Variants in RAB1A observed in about 807,000 individuals in gnomAD.
The protein encoded by RAB1A is RAB1A, member RAS oncogene family, also known as ras-related protein Rab-1A.
RAB1A carries 2 observed loss-of-function variants against 26.0 expected under a neutral mutation model. That is an observed-to-expected ratio of 0.08 (90% confidence interval 0.03 to 0.24). The LOEUF (loss-of-function observed/expected upper bound fraction) is 0.24, where lower values mean the gene tolerates loss of function less well. RAB1A is among the 10% of genes least tolerant of loss of function. The pLI, the probability that RAB1A is intolerant of heterozygous loss-of-function variation, is 1.00. For missense variants in RAB1A, 100 were observed against 247.0 expected, an observed-to-expected ratio of 0.40 and a Z score of 3.99; for synonymous variants, 84 against 84.9, an observed-to-expected ratio of 0.99 and a Z score of 0.06.
chr2:65,129,822 C>A, intron 1 of RAB1A, 71 bp downstream of exon 1: 1 of 1,556,924 alleles, frequency 6.4e-7, no homozygotes, highest in East Asian at 2.4e-5. Flanking sequence ...CTGCCCCAAC[C>A]CTCCTCGACC....
chr2:65,127,337 C>G (rs947517890), intron 1 of RAB1A, among the ~76,000 whole-genome samples: 1 of 152,134 alleles, frequency 6.6e-6, no homozygotes, highest in African/African-American at 2.4e-5. Context: ...CTTCCAAAAC[C>G]CAGATAGCCA....
chr2:65,106,727 A>AT (rs1377211172), intron 1 of RAB1A, among the ~76,000 whole-genome samples: 2 of 116,242 alleles, frequency 1.7e-5, no homozygotes, highest in Non-Finnish European at 3.8e-5. Flanking sequence ...CCAGTTTGAG[A>AT]TTTTAAAATT....
chr2:65,126,157 T>C (rs532020251), intron 1 of RAB1A, among the ~76,000 whole-genome samples: 2 of 151,880 alleles, frequency 1.3e-5, no homozygotes, highest in South Asian at 4.2e-4. Context: ...GGGTACTCTA[T>C]ACAAAAATTA....
intron 1 of RAB1A, among the ~76,000 whole-genome samples, chr2:65,110,588 A>C (rs1016303027): frequency 1.3e-5 from 2 of 152,174 alleles, no homozygotes; most frequent in African/African-American, 4.8e-5. Context: ...AGTCAATAAC[A>C]CATGCTGAAG....
chr2:65,112,613 A>G (rs1296113080), intron 1 of RAB1A, among the ~76,000 whole-genome samples: 5 of 152,154 alleles, frequency 3.3e-5, no homozygotes, highest in Non-Finnish European at 5.9e-5. Flanking sequence ...CTACGAGCAG[A>G]TATTTTATTT....
chr2:65,128,252 C>G (rs75251643), intron 1 of RAB1A, among the ~76,000 whole-genome samples: 3,282 of 152,204 alleles, frequency 0.022, 191 homozygotes, highest in East Asian at 0.22. Context: ...AGTAACTTGT[C>G]AAAGTTCTCA....
chr2:65,090,576 C>A (rs1244317298), intron 4 of RAB1A, among the ~76,000 whole-genome samples: 1 of 152,130 alleles, frequency 6.6e-6, no homozygotes, highest in African/African-American at 2.4e-5. Flanking sequence ...GGCAGAGACC[C>A]CCGAATCCCA....
chr2:65,108,635 C>T (rs6736982), intron 1 of RAB1A, among the ~76,000 whole-genome samples: 98,661 of 151,666 alleles, frequency 0.65, 32,350 homozygotes, highest in Non-Finnish European at 0.69. Context: ...GGTGCAATCC[C>T]GTCTTTACTA....
intron 4 of RAB1A, among the ~76,000 whole-genome samples, chr2:65,089,455 G>C (rs371755709): frequency 6.6e-6 from 1 of 151,970 alleles, no homozygotes; most frequent in Non-Finnish European, 1.5e-5. Context: ...AGCTCAATCG[G>C]CCCACCTTGG....
At chr2:65,098,194 T>A (rs748872326) in intron 2 of RAB1A, 128 bp from the exon 3 acceptor site, 345 of 520,744 alleles carry the variant, frequency 6.6e-4, no homozygotes, top group Non-Finnish European at 1.0e-3. Flanking sequence ...ACAGTCCAAA[T>A]TTATGAATGA....
rs186401038 is a variant in RAB1A at position 65,123,164 on chromosome 2, C to A, written c.23+6729G>T. Among the ~76,000 whole-genome samples, 875 of 149,908 alleles carry A rather than the reference C, an allele frequency of 5.8e-3. 6 individuals are homozygous for A. Among genetic ancestry groups the A allele is most frequent in the Non-Finnish European group, 9.0e-3 (606 of 67,686 alleles). ...GAATATAGCAGGATGTTAGCACATACGTAAATTTTTTTTTTTTTTTTTTTG... is the reference window on the plus strand; with the variant it reads ...GAATATAGCAGGATGTTAGCACATAAGTAAATTTTTTTTTTTTTTTTTTTG... On this transcript the variant is annotated intron_variant, in intron 1 of 5. Transcript: ENST00000409784.
At position 65,105,785 on chromosome 2, in the gene RAB1A, C is replaced by T. The variant is rs183506170; in HGVS notation, c.24-979G>A. On this transcript the variant is annotated intron_variant, in intron 1 of 5. Transcript: ENST00000409784. The stretch of plus-strand genomic sequence containing the variant: ...AAAACCAAGCTTTTTTTTTTTGAGA[C>T]GGAGTCTTGCTCTGTCACCCAGGCT... Among the ~76,000 whole-genome samples, 435 of 150,602 alleles carry T rather than the reference C, an allele frequency of 2.9e-3. 2 individuals carry two copies. The highest frequency in any genetic ancestry group is 0.01 in the Middle Eastern group (3 of 290).
At chr2:65,110,154 G>A (rs963725192) in intron 1 of RAB1A, among the ~76,000 whole-genome samples, 5 of 152,146 alleles carry the variant, frequency 3.3e-5, no homozygotes, top group African/African-American at 7.2e-5. Context: ...AAAGGATACA[G>A]GAGCCGGTCG....
At chr2:65,124,872 GATGGTGAT>G (rs1670060717) in intron 1 of RAB1A, among the ~76,000 whole-genome samples, 2 of 152,142 alleles carry the variant, frequency 1.3e-5, no homozygotes, top group South Asian at 4.1e-4. Context: ...AAGAATTACA[GATGGTGAT>G]ATTCTATAGA....
chr2:65,128,250 G>A (rs998784506), intron 1 of RAB1A, among the ~76,000 whole-genome samples: 2 of 152,002 alleles, frequency 1.3e-5, no homozygotes, highest in Admixed American at 6.6e-5. Flanking sequence ...TGAGTAACTT[G>A]TCAAAGTTCT....
chr2:65,128,136 G>T (rs2052261), intron 1 of RAB1A, among the ~76,000 whole-genome samples: 1 of 151,892 alleles, frequency 6.6e-6, no homozygotes, highest in African/African-American at 2.4e-5. Context: ...ATGCTCACAC[G>T]GTTTTTCAAA....
chr2:65,106,098 A>G (rs755979942), intron 1 of RAB1A, among the ~76,000 whole-genome samples: 41 of 152,154 alleles, frequency 2.7e-4, no homozygotes, highest in Non-Finnish European at 4.6e-4. Context: ...TAACATTGCC[A>G]GGCCTAACTC....
chr2:65,099,388 C>T (rs896021929), intron 2 of RAB1A, among the ~76,000 whole-genome samples: 1 of 152,132 alleles, frequency 6.6e-6, no homozygotes, highest in Non-Finnish European at 1.5e-5. Flanking sequence ...AAATATTTCT[C>T]GTGAAAAGAT....
intron 1 of RAB1A, among the ~76,000 whole-genome samples, chr2:65,111,533 T>G (rs1669693816): frequency 6.6e-6 from 1 of 152,110 alleles, no homozygotes. Context: ...CTAAATACAA[T>G]ATGGTATACT....
Sources: allele counts gnomAD v4.1 joint callset (sites outside exome capture counted in the v4.1 genomes callset), GRCh38; gene constraint gnomAD v4.1.1; transcripts MANE v1.5; gene names NCBI Gene and HGNC (gene_info 2026-07-23, HGNC 2026-07-21).